Variants in ACER1 observed in about 807,000 individuals in gnomAD.
The protein encoded by ACER1 is alkaline ceramidase 1, also known as CTB-180A7.3.
In ACER1, 28 loss-of-function variants were observed where a neutral mutation model predicts 24.9. The ratio of observed to expected loss-of-function variants is 1.13; its 90% CI spans 0.83 to 1.54. The LOEUF (loss-of-function observed/expected upper bound fraction) is 1.54, where lower values mean the gene tolerates loss of function less well. ACER1 is among the 40% of genes most tolerant of loss of function. The probability of loss-of-function intolerance (pLI) is 0.00; values close to 1 mark genes in which losing one functional copy is unlikely to be tolerated. For missense variants in ACER1, 352 were observed against 349.3 expected (o/e 1.01, Z -0.06); for synonymous variants, 132 against 131.4 (o/e 1.00, Z -0.03).
At chr19:6,359,600 G>A in the ACER1 span, among the ~76,000 whole-genome samples, 1 of 151,934 alleles carries the variant, frequency 6.6e-6, no homozygotes, top group African/African-American at 2.4e-5. Flanking sequence ...TTGCAGGCAT[G>A]AGCCACCACA....
At position 6,312,478 on chromosome 19, in the gene ACER1, TGAA is replaced by T. The variant is rs1369455820; in HGVS notation, c.112_114del (p.Phe38del). ...AGGAGCATCATCAGTGGCCCGAAGATGAAGAAGGGGATATTGGAGAACTGGAGC... is the reference window on the plus strand; with the variant it reads ...AGGAGCATCATCAGTGGCCCGAAGATGAAGGGGATATTGGAGAACTGGAGC... On this transcript the variant is annotated inframe_deletion, in exon 2 of 6. Transcript: ENST00000301452. 6.2e-7 allele frequency: 1 copy of T among 1,613,624 alleles called. No homozygotes were observed. Among genetic ancestry groups the T allele is most frequent in the Admixed American group, 1.7e-5 (1 of 59,964 alleles).
upstream of ACER1, among the ~76,000 whole-genome samples, chr19:6,335,020 T>C (rs1445767012): frequency 1.4e-5 from 2 of 147,056 alleles, no homozygotes; most frequent in Non-Finnish European, 1.5e-5. Flanking sequence ...ACAATAATAA[T>C]ATAATTATTT....
intron 1 of ACER1, among the ~76,000 whole-genome samples, chr19:6,331,498 A>AT: frequency 2.2e-5 from 3 of 135,410 alleles, no homozygotes; most frequent in African/African-American, 9.9e-5. Context: ...AGGGCATAGA[A>AT]CTAAGCACTA....
chr19:6,326,120 ATTTTTT>A (rs961518968), intron 1 of ACER1, among the ~76,000 whole-genome samples: 2 of 97,270 alleles, frequency 2.1e-5, no homozygotes, highest in African/African-American at 3.9e-5. Flanking sequence ...ATGCTCAGCT[ATTTTTT>A]TTTTTTTTTT....
chr19:6,310,684 GC>G (rs2091575016), intron 3 of ACER1, among the ~76,000 whole-genome samples: 2 of 151,898 alleles, frequency 1.3e-5, no homozygotes, highest in African/African-American at 4.8e-5. Context: ...TTCGAGACCA[GC>G]CTGGGCAACA....
At chr19:6,310,425 G>A (rs1388492072) in intron 3 of ACER1, among the ~76,000 whole-genome samples, 1 of 152,002 alleles carries the variant, frequency 6.6e-6, no homozygotes, top group Non-Finnish European at 1.5e-5. Context: ...ACAAAATTTA[G>A]CCAGGTGTGG....
the ACER1 span, among the ~76,000 whole-genome samples, chr19:6,357,031 C>T: frequency 0.058 from 8,594 of 148,934 alleles, 355 homozygotes; most frequent in African/African-American, 0.12. Context: ...GGGATGACAT[C>T]TGAGCTGAGA....
the ACER1 span, among the ~76,000 whole-genome samples, chr19:6,345,788 C>T: frequency 6.6e-6 from 1 of 151,872 alleles, no homozygotes; most frequent in Non-Finnish European, 1.5e-5. Flanking sequence ...TGGTCTCCAA[C>T]TCCTGACCTC....
chr19:6,306,835 G>A lies in ACER1; in HGVS notation c.674C>T (p.Ala225Val). Reference protein sequence around the residue: ...ITFPYGMVTMALVDANYEMPG... With the variant: ...ITFPYGMVTMVLVDANYEMPG... ...CATCTCATAGTTGGCATCCACCAAG[G>A]CCATGGTGACCATGCCATAAGGGAA... The change falls in exon 6 of 6, where the codon GCC (alanine) becomes GTC (valine). Residue 225 changes from alanine (A) to valine (V), a missense_variant. Coordinates refer to ENST00000301452, the MANE Select transcript of ACER1 (RefSeq NM_133492.3). 6.2e-7 allele frequency: 1 copy of A among 1,614,158 alleles called. No individual in the cohort carries two copies. Among genetic ancestry groups the A allele is most frequent in the Non-Finnish European group, 8.5e-7 (1 of 1,180,024 alleles).
chr19:6,350,710 G>A, the ACER1 span, among the ~76,000 whole-genome samples: 1 of 152,266 alleles, frequency 6.6e-6, no homozygotes. Context: ...TGTGGGTGCT[G>A]CAGAAGGAAC....
At chr19:6,312,933 T>C (rs575769659) in intron 1 of ACER1, among the ~76,000 whole-genome samples, 1 of 152,146 alleles carries the variant, frequency 6.6e-6, no homozygotes, top group South Asian at 2.1e-4. Flanking sequence ...CATCTTGGCC[T>C]CCCCAAAGTG....
chr19:6,320,394 C>T (rs975024987), intron 1 of ACER1, among the ~76,000 whole-genome samples: 2 of 152,084 alleles, frequency 1.3e-5, no homozygotes, highest in South Asian at 2.1e-4. Context: ...CTCACTGCAA[C>T]CTCTGCCTCC....
intron 1 of ACER1, among the ~76,000 whole-genome samples, chr19:6,328,067 C>G (rs1021337679): frequency 1.4e-5 from 2 of 146,232 alleles, no homozygotes; most frequent in East Asian, 3.9e-4. Context: ...CAGAGTGAGA[C>G]TCCATCTCAA....
chr19:6,310,876 TAAA>T (rs5826928), intron 3 of ACER1, among the ~76,000 whole-genome samples: 20 of 122,052 alleles, frequency 1.6e-4, no homozygotes, highest in African/African-American at 1.7e-4. Context: ...AGACTTCATC[TAAA>T]AAAAAAAAAA....
chr19:6,329,115 C>G (rs1160160078), intron 1 of ACER1, among the ~76,000 whole-genome samples: 2 of 151,814 alleles, frequency 1.3e-5, no homozygotes, highest in African/African-American at 4.8e-5. Context: ...ACCACTCCAT[C>G]CCAGGCTGGG....
upstream of ACER1, chr19:6,333,749 C>A: frequency 1.9e-6 from 1 of 532,740 alleles, no homozygotes; most frequent in Admixed American, 3.2e-5. Context: ...TGAGCATAAG[C>A]CGTGGGACTG....
chr19:6,360,294 C>G, the ACER1 span: 1 of 152,196 alleles, frequency 6.6e-6, no homozygotes, highest in South Asian at 2.1e-4. Context: ...GTCGGCCACA[C>G]CAGGCTGGAA....
At chr19:6,327,783 A>T (rs1270378406) in intron 1 of ACER1, among the ~76,000 whole-genome samples, 1 of 147,914 alleles carries the variant, frequency 6.8e-6, no homozygotes, top group African/African-American at 2.5e-5. Context: ...CAGTGTCAAT[A>T]AAAAAAAAAT....
intron 4 of ACER1, among the ~76,000 whole-genome samples, chr19:6,307,923 C>T (rs1209055029): frequency 2.0e-5 from 3 of 150,920 alleles, no homozygotes; most frequent in Non-Finnish European, 4.4e-5. Flanking sequence ...TCTGACTCTA[C>T]TAAAAATACA....
Sources: allele counts gnomAD v4.1 joint callset (sites outside exome capture counted in the v4.1 genomes callset), GRCh38; gene constraint gnomAD v4.1.1; transcripts MANE v1.5; gene names NCBI Gene and HGNC (gene_info 2026-07-23, HGNC 2026-07-21).